STARD7: variants seen among roughly 807,000 people sequenced by gnomAD.
STARD7 encodes the protein stAR-related lipid transfer protein 7, mitochondrial.
Under a neutral mutation model 45.3 loss-of-function variants are expected in STARD7, and 30 were observed. The observed-to-expected ratio is 0.66, with a 90% CI of 0.50 to 0.90. The LOEUF is 0.90. Ranked by LOEUF, STARD7 falls within the 40% of genes least tolerant of loss-of-function variation. The pLI is 0.00. For missense variants in STARD7, 495 were observed against 491.3 expected (o/e 1.01, Z -0.07); for synonymous variants, 199 against 183.0 (o/e 1.09, Z -0.70).
At chr2:96,190,505 T>G (rs577195744) in intron 6 of STARD7, among the ~76,000 whole-genome samples, 14 of 152,162 alleles carry the variant, frequency 9.2e-5, no homozygotes, top group Admixed American at 2.6e-4. Flanking sequence ...GCCTGGATAA[T>G]TTTTGTACTT....
chr2:96,208,049 C>G, intron 1 of STARD7, 96 bp downstream of exon 1: 1 of 1,224,776 alleles, frequency 8.2e-7, no homozygotes, highest in Non-Finnish European at 1.1e-6. Context: ...ATTAAAAGAC[C>G]ACCGGGTAAA....
At chr2:96,190,869 A>C (rs1285730691) in intron 6 of STARD7, among the ~76,000 whole-genome samples, 1 of 151,888 alleles carries the variant, frequency 6.6e-6, no homozygotes, top group Non-Finnish European at 1.5e-5. Flanking sequence ...CTGTTTTACA[A>C]ATTTCTTACT....
At chr2:96,195,206 G>A (rs1227835190) in intron 2 of STARD7, 135 bp downstream of exon 2, 1 of 873,430 alleles carries the variant, frequency 1.1e-6, no homozygotes, top group Admixed American at 2.7e-5. Flanking sequence ...TCATCTGGGA[G>A]AAGAAAAACA....
intron 1 of STARD7, among the ~76,000 whole-genome samples, chr2:96,198,343 C>A (rs1238691092): frequency 2.0e-5 from 3 of 152,000 alleles, no homozygotes; most frequent in Non-Finnish European, 4.4e-5. Context: ...AAGAATACTG[C>A]TATGGACATT....
At chr2:96,190,152 G>A (rs992670945) in intron 6 of STARD7, among the ~76,000 whole-genome samples, 2 of 152,094 alleles carry the variant, frequency 1.3e-5, no homozygotes, top group African/African-American at 4.8e-5. Context: ...ATTTCCAGGT[G>A]TAAAACTAAA....
chr2:96,193,019 G>A lies in STARD7; in HGVS notation c.743+59C>T, dbSNP rs370186889. On this transcript the variant is annotated intron_variant, in intron 5 of 7. Transcript: ENST00000337288. ...ACTAAGAATATACAAACTCAGGTAC[G>A]TAGGAATGAAGGCCACAGCTAAAGG... 41 of 1,253,768 alleles carry A rather than the reference G, an allele frequency of 3.3e-5. No individual in the cohort carries two copies. The African/African-American group carries it at 4.7e-4, about 14-fold the overall frequency. 77.7% of individuals were successfully genotyped at this position (1,253,768 alleles called of 1,614,324 possible). A position where few individuals can be genotyped will look rare whatever the true frequency, so the allele number is the denominator to read the frequency against.
chr2:96,187,218 A>T lies in STARD7; in HGVS notation c.927T>A (p.Ser309Arg). The stretch of plus-strand genomic sequence containing the variant: ...CCCTGTATACTTGCCCTTACTTACC[A>T]CTGGAAACCATCCAACTAACACAGT... ...PRYCVSWMVS[S>R]GMPDFLEKLH... The change falls in exon 7 of 8, where the codon AGT becomes AGA. Residue 309 changes from serine (S) to arginine (R), a missense_variant and splice_region_variant. Coordinates refer to ENST00000337288, the MANE Select transcript of STARD7 (RefSeq NM_020151.4). 1 of 1,611,740 alleles carries T rather than the reference A, an allele frequency of 6.2e-7. No individual in the cohort carries two copies. Among genetic ancestry groups the T allele is most frequent in the Non-Finnish European group, 8.5e-7 (1 of 1,177,858 alleles).
chr2:96,186,459 A>C lies in STARD7; in HGVS notation c.*271T>G. On this transcript the variant is annotated 3_prime_UTR_variant, in exon 8 of 8. Transcript: ENST00000337288. ...TCATCCCCTTCTGGCCTGAGGTGAGAGGTTTGTTCCAGATTAGCTCAGTGA... is the reference window on the plus strand; with the variant it reads ...TCATCCCCTTCTGGCCTGAGGTGAGCGGTTTGTTCCAGATTAGCTCAGTGA... 1 of 305,624 alleles carries C rather than the reference A, an allele frequency of 3.3e-6. No homozygotes were observed. Among genetic ancestry groups the C allele is most frequent in the Non-Finnish European group, 6.0e-6 (1 of 166,796 alleles). 18.9% of individuals were successfully genotyped at this position (305,624 alleles called of 1,614,324 possible).
rs909799640 is a variant in STARD7 at position 96,208,267 on chromosome 2, A to C, written c.168T>G (p.Val56=). The change falls in exon 1 of 8, where the codon GTT becomes GTG. Residue 56 remains valine, a synonymous_variant. Transcript: ENST00000337288. The part of the protein sequence containing the change: ...GRLYSESSRR[V]LLGRLWRRLH... ...GCCGGCGCCAGAGGCGGCCGAGGAG[A>C]ACGCGGCGTGAGCTCTCGGAGTAGA... 6.2e-7 allele frequency: 1 copy of C among 1,611,814 alleles called. No individual in the cohort carries two copies. The highest frequency in any genetic ancestry group is 1.3e-5 in the African/African-American group (1 of 75,002).
At chr2:96,207,278 T>C (rs1683408712) in intron 1 of STARD7, among the ~76,000 whole-genome samples, 2 of 152,182 alleles carry the variant, frequency 1.3e-5, no homozygotes, top group African/African-American at 4.8e-5. Flanking sequence ...ATATCAAGAA[T>C]AAACAGGCGA....
rs752316665 is a variant in STARD7 at position 96,195,483 on chromosome 2, G to A, written c.357C>T (p.His119=). 1.1e-5 allele frequency: 17 copies of A among 1,613,670 alleles called. No individual in the cohort carries two copies. The South Asian group carries it at 1.2e-4, about 11-fold the overall frequency. Residue 119 remains histidine, a synonymous_variant, in exon 2 of 8, where the codon CAC becomes CAT. Coordinates refer to ENST00000337288, the MANE Select transcript of STARD7 (RefSeq NM_020151.4). ...SNMFQSSGVQ[H]HPPEPKAQTE... ...TTTGGGCTTTTGGTTCTGGAGGGTG[G>A]TGCTGGACTCCAGAGCTCTGAAACA...
At chr2:96,196,672 A>C (rs540901767) in intron 1 of STARD7, among the ~76,000 whole-genome samples, 1 of 152,218 alleles carries the variant, frequency 6.6e-6, no homozygotes, top group East Asian at 1.9e-4. Context: ...CGTGTTACCC[A>C]GGACGGTCTC....
rs778861863 is a variant in STARD7 at position 96,208,541 on chromosome 2, G to A, written c.-107C>T. 7.7e-6 allele frequency: 8 copies of A among 1,035,016 alleles called. No individual in the cohort carries two copies. The highest frequency in any genetic ancestry group is 4.6e-5 in the South Asian group (2 of 43,544). The allele number at this position is 1,035,016 out of a possible 1,614,324, so 64.1% of individuals were successfully genotyped here. A position where few individuals can be genotyped will look rare whatever the true frequency, so the allele number is the denominator to read the frequency against. ...CCCCTAAATGGCCGGCCACGAACCC[G>A]TCTCACGGTCCCGCGGCCAGGAGCC... On this transcript the variant is annotated 5_prime_UTR_variant, in exon 1 of 8. The change creates a new upstream start codon in the 5' untranslated region. Coordinates refer to ENST00000337288, the MANE Select transcript of STARD7 (RefSeq NM_020151.4).
chr2:96,187,096 CTG>C, intron 7 of STARD7, 119 bp downstream of exon 7: 1 of 921,914 alleles, frequency 1.1e-6, no homozygotes, highest in Non-Finnish European at 1.6e-6. Context: ...TGTGAAAACT[CTG>C]TCTCAGAAAA....
chr2:96,187,219 C>T lies in STARD7; in HGVS notation c.926G>A (p.Ser309Asn). ...PRYCVSWMVS[S>N]GMPDFLEKLH... Reference sequence around the variant, plus strand: ...CCTGTATACTTGCCCTTACTTACCACTGGAAACCATCCAACTAACACAGTA... The same window carrying T: ...CCTGTATACTTGCCCTTACTTACCATTGGAAACCATCCAACTAACACAGTA... The change falls in exon 7 of 8, where the codon AGT (serine) becomes AAT (asparagine). Residue 309 changes from serine to asparagine, a missense_variant and splice_region_variant. By Grantham distance (46) the Ser-to-Asn change is conservative (BLOSUM62 1). Coordinates refer to ENST00000337288, the MANE Select transcript of STARD7 (RefSeq NM_020151.4). 6.2e-7 allele frequency: 1 copy of T among 1,612,400 alleles called. No homozygotes were observed. The highest frequency in any genetic ancestry group is 8.5e-7 in the Non-Finnish European group (1 of 1,178,466).
At chr2:96,193,018 C>A (rs1173651655) in intron 5 of STARD7, 60 bp downstream of exon 5, 4 of 1,223,100 alleles carry the variant, frequency 3.3e-6, no homozygotes, top group African/African-American at 1.5e-5. Flanking sequence ...AACTCAGGTA[C>A]GTAGGAATGA....
At chr2:96,198,349 A>G (rs900450888) in intron 1 of STARD7, among the ~76,000 whole-genome samples, 2 of 152,066 alleles carry the variant, frequency 1.3e-5, no homozygotes, top group Non-Finnish European at 2.9e-5. Context: ...ACTGCTATGG[A>G]CATTTGTGTA....
intron 6 of STARD7, among the ~76,000 whole-genome samples, chr2:96,190,911 C>G (rs955353062): frequency 4.6e-5 from 7 of 152,150 alleles, no homozygotes; most frequent in African/African-American, 1.7e-4. Context: ...CGCCTCTAAT[C>G]CCAGCATTTT....
chr2:96,196,594 T>C (rs1683212700), intron 1 of STARD7, among the ~76,000 whole-genome samples: 1 of 152,162 alleles, frequency 6.6e-6, no homozygotes, highest in Admixed American at 6.5e-5. Flanking sequence ...CCCCAGTAGC[T>C]GGGACTACAG....
Sources: allele counts gnomAD v4.1 joint callset (sites outside exome capture counted in the v4.1 genomes callset), GRCh38; gene constraint gnomAD v4.1.1; transcripts MANE v1.5; gene names NCBI Gene and HGNC (gene_info 2026-07-23, HGNC 2026-07-21).